Variants in SGCZ observed in about 807,000 individuals in gnomAD.
SGCZ encodes sarcoglycan zeta.
A neutral mutation model predicts 41.3 loss-of-function variants in SGCZ; 40 were observed. That is an observed-to-expected ratio of 0.97 (90% CI 0.75 to 1.26). The LOEUF (loss-of-function observed/expected upper bound fraction) is 1.26, where lower values mean the gene tolerates loss of function less well. Among genes scored for constraint, SGCZ ranks in the 50% most tolerant of loss-of-function variants. SGCZ has a pLI of 0.00. For synonymous variants in SGCZ, 206 were observed against 137.5 expected, an observed-to-expected ratio of 1.50 and a Z score of -3.49; for missense variants, 552 against 369.8, an observed-to-expected ratio of 1.49 and a Z score of -4.04.
chr8:15,149,513 G>C (rs528029880), intron 1 of SGCZ, among the ~76,000 whole-genome samples: 1 of 152,242 alleles, frequency 6.6e-6, no homozygotes, highest in South Asian at 2.1e-4. Context: ...CAGCCTCCAA[G>C]GCTCTGACAG....
intron 2 of SGCZ, among the ~76,000 whole-genome samples, chr8:14,408,119 T>C (rs1017433518): frequency 1.3e-5 from 2 of 152,160 alleles, no homozygotes; most frequent in African/African-American, 4.8e-5. Context: ...TTCAATAGCA[T>C]GTGTAGGGCA....
intron 2 of SGCZ, among the ~76,000 whole-genome samples, chr8:14,471,927 G>A (rs1476186271): frequency 1.3e-5 from 2 of 151,960 alleles, no homozygotes; most frequent in African/African-American, 2.4e-5. Context: ...ATCATCATCT[G>A]AGATACTGAG....
chr8:14,332,158 G>A (rs924101067), intron 2 of SGCZ, among the ~76,000 whole-genome samples: 29 of 152,050 alleles, frequency 1.9e-4, no homozygotes, highest in African/African-American at 5.6e-4. Context: ...TATGATGACC[G>A]TGCACAGTGG....
At chr8:14,512,881 G>C (rs1046697374) in intron 2 of SGCZ, among the ~76,000 whole-genome samples, 2 of 152,058 alleles carry the variant, frequency 1.3e-5, no homozygotes, top group African/African-American at 2.4e-5. Context: ...TAGTGTGCTT[G>C]TTAAACACAG....
In SGCZ at chr8:14,345,241, A is replaced by G. The variant is rs1293158618; in HGVS notation, c.235-21037T>C. 3.3e-5 allele frequency among the ~76,000 whole-genome samples: 5 copies of G among 152,116 alleles called. No homozygotes were observed. In the East Asian group the frequency reaches 9.6e-4, roughly 29 times the overall value. On this transcript the variant is annotated intron_variant, in intron 2 of 7. Coordinates refer to ENST00000382080, the MANE Select transcript of SGCZ (RefSeq NM_139167.4). ...AACCACAAGTTTTCACTACACATCC[A>G]TTAGAGTCAGAAATCTTAAAAAGAA... is the stretch of plus-strand genomic sequence containing the variant.
At chr8:14,207,902 C>G (rs181273578) in intron 4 of SGCZ, among the ~76,000 whole-genome samples, 1 of 152,082 alleles carries the variant, frequency 6.6e-6, no homozygotes, top group Non-Finnish European at 1.5e-5. Flanking sequence ...GAAGTGCAAA[C>G]TGGCTGGTGG....
chr8:14,255,452 C>T (rs1475666645), intron 3 of SGCZ, among the ~76,000 whole-genome samples: 2 of 152,096 alleles, frequency 1.3e-5, no homozygotes, highest in Non-Finnish European at 1.5e-5. Flanking sequence ...TAATGCCCAA[C>T]ACCAACATGT....
intron 1 of SGCZ, among the ~76,000 whole-genome samples, chr8:15,122,997 T>C (rs12056546): frequency 2.6e-5 from 4 of 152,170 alleles, no homozygotes; most frequent in Non-Finnish European, 4.4e-5. Context: ...GTAAGTAAAC[T>C]GACCTAAAAA....
intron 1 of SGCZ, among the ~76,000 whole-genome samples, chr8:14,779,937 T>C (rs1800533903): frequency 6.6e-6 from 1 of 152,180 alleles, no homozygotes; most frequent in African/African-American, 2.4e-5. Flanking sequence ...AATTAAATTA[T>C]ATGGATCTGT....
intron 1 of SGCZ, among the ~76,000 whole-genome samples, chr8:14,827,009 CA>C (rs1387423454): frequency 6.6e-6 from 1 of 151,962 alleles, no homozygotes; most frequent in African/African-American, 2.4e-5. Context: ...AGTCCTTGCC[CA>C]TGCCTATGTC....
chr8:14,866,414 C>T (rs1445299697), intron 1 of SGCZ, among the ~76,000 whole-genome samples: 2 of 152,000 alleles, frequency 1.3e-5, no homozygotes, highest in Non-Finnish European at 2.9e-5. Flanking sequence ...CAAGCACAGT[C>T]ATTATTCTGG....
intron 1 of SGCZ, among the ~76,000 whole-genome samples, chr8:14,782,221 T>C (rs1585255639): frequency 6.6e-6 from 1 of 152,312 alleles, no homozygotes; most frequent in East Asian, 1.9e-4. Context: ...ATTAAGCACT[T>C]CCTTAATATA....
At chr8:14,293,819 C>G (rs537744331) in intron 3 of SGCZ, among the ~76,000 whole-genome samples, 7 of 151,946 alleles carry the variant, frequency 4.6e-5, no homozygotes, top group East Asian at 1.9e-4. Flanking sequence ...TTATCCTCAT[C>G]ATTATCAGTT....
intron 5 of SGCZ, among the ~76,000 whole-genome samples, chr8:14,133,444 T>A (rs1803101336): frequency 6.6e-6 from 1 of 152,182 alleles, no homozygotes; most frequent in Non-Finnish European, 1.5e-5. Context: ...GAGAAGAGCA[T>A]CTTTTCTTTC....
intron 1 of SGCZ, among the ~76,000 whole-genome samples, chr8:14,730,440 T>C (rs952712623): frequency 1.3e-5 from 2 of 150,128 alleles, no homozygotes; most frequent in Admixed American, 1.3e-4. Context: ...TGCTCTTGTA[T>C]GTTCTATTTT....
At chr8:14,961,290 C>T (rs991639741) in intron 1 of SGCZ, among the ~76,000 whole-genome samples, 8 of 152,076 alleles carry the variant, frequency 5.3e-5, no homozygotes, top group Middle Eastern at 3.2e-3. Context: ...GCCTACTGAC[C>T]TGTTGTTTAC....
In SGCZ at chr8:14,677,852, T is replaced by C. The variant is rs1031700963; in HGVS notation, c.40-122926A>G. Among the ~76,000 whole-genome samples the C allele has an allele frequency of 3.3e-5, 5 of 152,110 alleles. No homozygotes were observed. In the East Asian group the frequency reaches 5.8e-4, roughly 18 times the overall value. ...AAGGCCTAGAACAGCTAAAATAACA[T>C]TGAAGGAGGAGAACGAAGTTGGAGG... On this transcript the variant is annotated intron_variant, in intron 1 of 7. Coordinates refer to ENST00000382080, the MANE Select transcript of SGCZ (RefSeq NM_139167.4).
At chr8:15,179,081 T>C (rs1800083787) in intron 1 of SGCZ, among the ~76,000 whole-genome samples, 1 of 152,082 alleles carries the variant, frequency 6.6e-6, no homozygotes, top group African/African-American at 2.4e-5. Flanking sequence ...AAAGAGTTGT[T>C]TTGCTGGGAA....
intron 6 of SGCZ, 131 bp from the exon 7 acceptor site, chr8:14,102,630 G>T: frequency 1.2e-6 from 1 of 844,336 alleles, no homozygotes; most frequent in Non-Finnish European, 1.6e-6. Flanking sequence ...AGGCATAAAG[G>T]AAAAGTCCTA....
Sources: allele counts gnomAD v4.1 joint callset (sites outside exome capture counted in the v4.1 genomes callset), GRCh38; gene constraint gnomAD v4.1.1; transcripts MANE v1.5; gene names NCBI Gene and HGNC (gene_info 2026-07-23, HGNC 2026-07-21).